The following SGIP1 variants were observed in gnomAD, a reference collection of about 807,000 sequenced individuals.
SGIP1 encodes the protein SH3-containing GRB2-like protein 3-interacting protein 1.
Under a neutral mutation model 107.5 loss-of-function variants are expected in SGIP1, and 38 were observed. The ratio of observed to expected loss-of-function variants is 0.35; its 90% CI spans 0.27 to 0.46. The LOEUF is 0.46. Among genes scored for constraint, SGIP1 ranks in the 20% least tolerant of loss-of-function variants. The pLI, the probability that SGIP1 is intolerant of heterozygous loss-of-function variation, is 1.00. For synonymous variants in SGIP1, 365 were observed against 366.1 expected, an observed-to-expected ratio of 1.00 and a Z score of 0.03; for missense variants, 929 against 1,019.5, an observed-to-expected ratio of 0.91 and a Z score of 1.21.
intron 18 of SGIP1, among the ~76,000 whole-genome samples, chr1:66,709,511 C>A (rs529939761): frequency 7.2e-5 from 11 of 152,236 alleles, no homozygotes; most frequent in African/African-American, 2.6e-4. Context: ...TAATGCCTAT[C>A]TGGACACATG....
chr1:66,682,838 T>G (rs936419494), intron 15 of SGIP1, among the ~76,000 whole-genome samples: 5 of 152,038 alleles, frequency 3.3e-5, no homozygotes, highest in Non-Finnish European at 7.4e-5. Context: ...TTCTATTTTT[T>G]TCTTTTCTTT....
intron 1 of SGIP1, among the ~76,000 whole-genome samples, chr1:66,539,668 T>C (rs1470930311): frequency 6.6e-6 from 1 of 152,226 alleles, no homozygotes; most frequent in Non-Finnish European, 1.5e-5. Flanking sequence ...TGCCTCCTCA[T>C]GTTTAGAATA....
chr1:66,652,431 C>T (rs144845221), intron 7 of SGIP1, among the ~76,000 whole-genome samples: 162 of 152,234 alleles, frequency 1.1e-3, no homozygotes, highest in Admixed American at 6.7e-3. Flanking sequence ...AGGCTAGTGC[C>T]TTCTCCCTTC....
chr1:66,554,194 A>G (rs972342009), intron 1 of SGIP1, among the ~76,000 whole-genome samples: 10 of 152,114 alleles, frequency 6.6e-5, no homozygotes, highest in Non-Finnish European at 1.2e-4. Flanking sequence ...AGTCAATACA[A>G]TTTCAGAACA....
In SGIP1 at chr1:66,581,071, A is replaced by G. The variant is rs1285977081; in HGVS notation, c.11-44776A>G. Among the ~76,000 whole-genome samples the G allele has an allele frequency of 2.0e-5, 3 of 152,116 alleles. No individual in the cohort carries two copies. In the East Asian group the frequency reaches 5.8e-4, roughly 29 times the overall value. ...GGAAATTTTGTAACATTTTCTCGTCACAATTACTTATCTTCTTAGTGGTCA... is the reference window on the plus strand; with the variant it reads ...GGAAATTTTGTAACATTTTCTCGTCGCAATTACTTATCTTCTTAGTGGTCA... On this transcript the variant is annotated intron_variant, in intron 1 of 24. Transcript: ENST00000371037.
intron 5 of SGIP1, among the ~76,000 whole-genome samples, chr1:66,640,881 A>G (rs2076661214): frequency 6.6e-6 from 1 of 152,132 alleles, no homozygotes; most frequent in Admixed American, 6.6e-5. Flanking sequence ...AAAGAAAAAT[A>G]CTGTATGATC....
At chr1:66,563,345 G>A (rs2059218133) in intron 1 of SGIP1, among the ~76,000 whole-genome samples, 1 of 151,988 alleles carries the variant, frequency 6.6e-6, no homozygotes, top group Non-Finnish European at 1.5e-5. Context: ...GGAGGAACAT[G>A]CCATGTTGCA....
intron 7 of SGIP1, among the ~76,000 whole-genome samples, chr1:66,646,456 C>T (rs1009960232): frequency 3.3e-5 from 5 of 152,116 alleles, no homozygotes; most frequent in African/African-American, 7.2e-5. Context: ...CAATGGTTTA[C>T]GTTGGACTTC....
intron 1 of SGIP1, among the ~76,000 whole-genome samples, chr1:66,600,753 G>T (rs750357027): frequency 6.6e-6 from 1 of 152,210 alleles, no homozygotes; most frequent in Non-Finnish European, 1.5e-5. Context: ...AGCCATGCAA[G>T]CCTGTGGGTT....
intron 18 of SGIP1, among the ~76,000 whole-genome samples, chr1:66,710,260 A>G (rs1226950701): frequency 2.6e-5 from 4 of 152,166 alleles, no homozygotes; most frequent in Admixed American, 6.6e-5. Flanking sequence ...ACTGAACTAT[A>G]TAGAAAGAAT....
At chr1:66,662,350 G>A (rs554395874) in intron 8 of SGIP1, among the ~76,000 whole-genome samples, 1 of 152,286 alleles carries the variant, frequency 6.6e-6, no homozygotes, top group East Asian at 1.9e-4. Context: ...AGCAAATTAG[G>A]ATGTCACAAA....
At chr1:66,616,230 T>C (rs761348163) in intron 1 of SGIP1, 3 of 152,258 alleles carry the variant, frequency 2.0e-5, no homozygotes, top group Non-Finnish European at 4.4e-5. Flanking sequence ...AGCTTGAGGT[T>C]TTGAAATTTT....
chr1:66,642,854 G>A lies in SGIP1; in HGVS notation c.273G>A (p.Glu91=), dbSNP rs755348504. The change falls in exon 6 of 25, where the codon GAG becomes GAA. Residue 91 remains glutamate (E), a synonymous_variant. Coordinates refer to ENST00000371037, the MANE Select transcript of SGIP1 (RefSeq NM_032291.4). The stretch of plus-strand genomic sequence containing the variant: ...AAGAAGGCTACAGCATCAGACCCGA[G>A]GAACCCGGCTATATCCTTTCTTTAT... The part of the protein sequence containing the change: ...LDEEGYSIRP[E]EPGSTKGKHF... 7 of 1,611,752 alleles carry A rather than the reference G, an allele frequency of 4.3e-6. No individual in the cohort carries two copies. Among genetic ancestry groups the A allele is most frequent in the Middle Eastern group, 1.6e-4 (1 of 6,064 alleles).
chr1:66,587,063 A>G (rs1292926912), intron 1 of SGIP1, among the ~76,000 whole-genome samples: 1 of 152,124 alleles, frequency 6.6e-6, no homozygotes, highest in Non-Finnish European at 1.5e-5. Flanking sequence ...TGCTGTCATT[A>G]GAATTGTTTC....
Position 66,660,178 on chromosome 1 carries a change from A to G in SGIP1, c.460-335A>G, listed in dbSNP as rs773821675. 7.0e-4 allele frequency: 117 copies of G among 167,096 alleles called. 5 individuals are homozygous for G. The highest frequency in any genetic ancestry group is 2.3e-3 in the East Asian group (12 of 5,236). 10.4% of individuals were successfully genotyped at this position (167,096 alleles called of 1,614,324 possible). A position where few individuals can be genotyped will look rare whatever the true frequency, so the allele number is the denominator to read the frequency against. The stretch of plus-strand genomic sequence containing the variant: ...AAGAAAGAAAGAAAGAAAGAAAGAA[A>G]GAAAGAAAGAAAGAAAGAAAGAAAG... On this transcript the variant is annotated intron_variant, in intron 7 of 24. Coordinates refer to ENST00000371037, the MANE Select transcript of SGIP1 (RefSeq NM_032291.4).
intron 7 of SGIP1, among the ~76,000 whole-genome samples, chr1:66,657,500 A>T (rs921969664): frequency 1.1e-4 from 16 of 152,196 alleles, no homozygotes; most frequent in Non-Finnish European, 2.2e-4. Context: ...CTAACCCCTC[A>T]TGCAAAAATG....
At chr1:66,618,486 G>T (rs1348264768) in intron 1 of SGIP1, among the ~76,000 whole-genome samples, 1 of 152,160 alleles carries the variant, frequency 6.6e-6, no homozygotes, top group Non-Finnish European at 1.5e-5. Context: ...TGTGCACTAG[G>T]TACTGCAATA....
At chr1:66,570,619 G>A (rs954603531) in intron 1 of SGIP1, among the ~76,000 whole-genome samples, 6 of 151,808 alleles carry the variant, frequency 4.0e-5, no homozygotes, top group Non-Finnish European at 5.9e-5. Flanking sequence ...CATTATATAT[G>A]TATTTAGCAA....
chr1:66,634,001 G>T, intron 3 of SGIP1: 1 of 1,321,500 alleles, frequency 7.6e-7, no homozygotes, highest in Non-Finnish European at 1.1e-6. Context: ...CCTTCATGTG[G>T]TTCTTACCAT....
Sources: allele counts gnomAD v4.1 joint callset (sites outside exome capture counted in the v4.1 genomes callset), GRCh38; gene constraint gnomAD v4.1.1; transcripts MANE v1.5; gene names NCBI Gene and HGNC (gene_info 2026-07-23, HGNC 2026-07-21).